ACP3: variants seen among roughly 807,000 people sequenced by gnomAD.
ACP3 encodes acid phosphatase 3, also known as prostatic acid phosphatase.
In ACP3, 38 loss-of-function variants were observed where a neutral mutation model predicts 45.6. That is an observed-to-expected ratio of 0.83 (90% confidence interval 0.64 to 1.09). The LOEUF (loss-of-function observed/expected upper bound fraction) is 1.09, where lower values mean the gene tolerates loss of function less well. Among genes scored for constraint, ACP3 ranks in the 50% least tolerant of loss-of-function variants. The pLI is 0.00. For synonymous variants in ACP3, 162 were observed against 164.7 expected, an observed-to-expected ratio of 0.98 and a Z score of 0.13; for missense variants, 466 against 463.2, an observed-to-expected ratio of 1.01 and a Z score of -0.05.
chr3:132,338,385 A>C (rs1282498264), intron 5 of ACP3, among the ~76,000 whole-genome samples: 1 of 151,376 alleles, frequency 6.6e-6, no homozygotes, highest in Non-Finnish European at 1.5e-5. Flanking sequence ...CAAATGTGTA[A>C]TATTTATATT....
intron 6 of ACP3, among the ~76,000 whole-genome samples, chr3:132,344,605 T>C (rs952076612): frequency 4.6e-5 from 7 of 152,352 alleles, no homozygotes; most frequent in Non-Finnish European, 1.0e-4. Flanking sequence ...GTCAGGTTCA[T>C]AGAAAGATTT....
chr3:132,341,058 G>T (rs927992600), intron 5 of ACP3, among the ~76,000 whole-genome samples: 1 of 151,988 alleles, frequency 6.6e-6, no homozygotes, highest in African/African-American at 2.4e-5. Flanking sequence ...CTTCATATAT[G>T]TCTTTACATT....
At chr3:132,349,797 T>C in intron 7 of ACP3, 123 bp from the exon 8 acceptor site, 1 of 660,478 alleles carries the variant, frequency 1.5e-6, no homozygotes, top group Non-Finnish European at 2.7e-6. Flanking sequence ...TAAAATTAGA[T>C]CTTTGCCCCT....
At position 132,350,677 on chromosome 3, in the gene ACP3, T is replaced by A. The variant is rs146354163; in HGVS notation, c.864+675T>A. 6.3e-3 allele frequency among the ~76,000 whole-genome samples: 958 copies of A among 152,220 alleles called. 7 individuals carry two copies. The highest frequency in any genetic ancestry group is 0.022 in the African/African-American group (901 of 41,522). On this transcript the variant is annotated intron_variant, in intron 8 of 9. Coordinates refer to ENST00000336375, the MANE Select transcript of ACP3 (RefSeq NM_001099.5). Reference sequence around the variant, plus strand: ...GAAGGTTTTTTAGATAGCCCTGATATGGAGTGTCAGAAGTTTATGCTGGAT... The same window carrying A: ...GAAGGTTTTTTAGATAGCCCTGATAAGGAGTGTCAGAAGTTTATGCTGGAT...
At chr3:132,356,580 C>T (rs1207689951) in intron 9 of ACP3, 106 bp from the exon 10 acceptor site, 1 of 1,577,420 alleles carries the variant, frequency 6.3e-7, no homozygotes, top group Non-Finnish European at 8.6e-7. Flanking sequence ...ATAAGTTTTT[C>T]CATTAGTCCC....
At chr3:132,360,316 A>G (rs1322604183), downstream of ACP3, among the ~76,000 whole-genome samples, 2 of 42,636 alleles carry the variant, frequency 4.7e-5, no homozygotes. Flanking sequence ...AATTCATTGG[A>G]AAAAAAAAAA....
chr3:132,339,824 C>A (rs538674818), intron 5 of ACP3, among the ~76,000 whole-genome samples: 25 of 152,210 alleles, frequency 1.6e-4, no homozygotes, highest in African/African-American at 5.8e-4. Flanking sequence ...AATTTTAACT[C>A]CCTCCCCTCC....
chr3:132,345,455 G>A (rs1937598678), intron 7 of ACP3, among the ~76,000 whole-genome samples: 1 of 152,152 alleles, frequency 6.6e-6, no homozygotes, highest in Non-Finnish European at 1.5e-5. Flanking sequence ...AATCAATTGT[G>A]TCTTGTGGCC....
intron 1 of ACP3, 77 bp from the exon 2 acceptor site, chr3:132,328,190 A>T (rs2107796277): frequency 8.3e-7 from 1 of 1,204,628 alleles, no homozygotes; most frequent in African/African-American, 1.5e-5. Context: ...AGTTAGAAAA[A>T]AAAAAACTAT....
intron 1 of ACP3, among the ~76,000 whole-genome samples, chr3:132,325,044 A>G (rs1162694302): frequency 6.6e-6 from 1 of 152,248 alleles, no homozygotes; most frequent in Non-Finnish European, 1.5e-5. Flanking sequence ...AGGATTTCAT[A>G]GAGTATGATT....
intron 8 of ACP3, 91 bp downstream of exon 8, chr3:132,350,093 C>T (rs1937689299): frequency 2.3e-6 from 2 of 861,234 alleles, no homozygotes; most frequent in Non-Finnish European, 3.8e-6. Flanking sequence ...TCTTCATTTC[C>T]CCATCTCCTT....
chr3:132,366,990 C>T (rs1039588208), intron 10 of ACP3, among the ~76,000 whole-genome samples: 2 of 152,206 alleles, frequency 1.3e-5, no homozygotes, highest in African/African-American at 4.8e-5. Context: ...TTGCCTAAGC[C>T]AACAAGAAAC....
chr3:132,347,200 G>C (rs972664161), intron 7 of ACP3, among the ~76,000 whole-genome samples: 1 of 152,190 alleles, frequency 6.6e-6, no homozygotes, highest in Non-Finnish European at 1.5e-5. Context: ...CAGCTGTCCT[G>C]CTTTCTGGAA....
intron 4 of ACP3, among the ~76,000 whole-genome samples, chr3:132,336,882 T>A (rs191027438): frequency 6.8e-4 from 103 of 152,150 alleles, no homozygotes; most frequent in African/African-American, 2.4e-3. Flanking sequence ...CTGTCAAAAT[T>A]TAATTAATTT....
chr3:132,363,905 C>G (rs1938087932), intron 10 of ACP3, among the ~76,000 whole-genome samples: 1 of 152,058 alleles, frequency 6.6e-6, no homozygotes, highest in Non-Finnish European at 1.5e-5. Flanking sequence ...CCACTGCACT[C>G]TAGCCTAGGC....
chr3:132,337,711 G>C (rs1369761682), intron 5 of ACP3, among the ~76,000 whole-genome samples, 157 bp downstream of exon 5: 1 of 152,218 alleles, frequency 6.6e-6, no homozygotes, highest in Non-Finnish European at 1.5e-5. Flanking sequence ...TATTTAATGA[G>C]GGAGGTCATC....
chr3:132,343,407 A>G (rs1387751858), intron 6 of ACP3, among the ~76,000 whole-genome samples: 1 of 152,216 alleles, frequency 6.6e-6, no homozygotes. Flanking sequence ...TAATTGACCC[A>G]ATCACATGCT....
chr3:132,359,550 CT>C (rs1938001336), downstream of ACP3, among the ~76,000 whole-genome samples: 1 of 151,940 alleles, frequency 6.6e-6, no homozygotes, highest in Non-Finnish European at 1.5e-5. Context: ...ACCTTTTCCC[CT>C]GACCCTACTC....
chr3:132,355,209 GACA>G (rs1271654193), intron 9 of ACP3, among the ~76,000 whole-genome samples: 1 of 152,204 alleles, frequency 6.6e-6, no homozygotes, highest in East Asian at 1.9e-4. Flanking sequence ...TTTTAAAGGG[GACA>G]CATATCATTT....
Sources: allele counts gnomAD v4.1 joint callset (sites outside exome capture counted in the v4.1 genomes callset), GRCh38; gene constraint gnomAD v4.1.1; transcripts MANE v1.5; gene names NCBI Gene and HGNC (gene_info 2026-07-23, HGNC 2026-07-21).